OR2L3: variants seen among roughly 807,000 people sequenced by gnomAD.
OR2L3 encodes olfactory receptor 2L3.
For missense variants in OR2L3, 369 were observed against 376.6 expected (o/e 0.98, Z 0.17); for synonymous variants, 131 against 139.1 (o/e 0.94, Z 0.41).
chr1:248,058,627 C>T (rs777811527), intron 1 of OR2L3, among the ~76,000 whole-genome samples: 10 of 151,406 alleles, frequency 6.6e-5, no homozygotes, highest in South Asian at 2.1e-4. Context: ...GAAATTTTTC[C>T]GAGGAAATAG....
At chr1:248,055,946 G>A (rs1342843000) in intron 1 of OR2L3, 1 of 152,120 alleles carries the variant, frequency 6.6e-6, no homozygotes, top group African/African-American at 2.4e-5. Context: ...CTCAATTTCA[G>A]AACTTGTTAT....
rs1229033018 is a variant in OR2L3, at chr1:248,062,534, A to G, written c.*914A>G. ...GAATTTTTAAAAACTGAACTAGTGG[A>G]AATAGAGAAGAGACTGATGGTCACC... On this transcript the variant is annotated 3_prime_UTR_variant, in exon 2 of 2. Coordinates refer to ENST00000359959, the MANE Select transcript of OR2L3 (RefSeq NM_001004687.2). 1 of 152,212 alleles carries G rather than the reference A, an allele frequency of 6.6e-6. No individual in the cohort carries two copies. Among genetic ancestry groups the G allele is most frequent in the East Asian group, 1.9e-4 (1 of 5,194 alleles). The allele number at this position is 152,212 out of a possible 1,614,324, so 9.4% of individuals were successfully genotyped here.
chr1:248,061,351 G>C lies in OR2L3; in HGVS notation c.670G>C (p.Val224Leu), dbSNP rs974420772. The C allele has an allele frequency of 8.1e-6, 13 of 1,613,786 alleles. No homozygotes were observed. The Admixed American group carries it at 1.3e-4, about 17-fold the overall frequency. ...TTCCTATGGCCGGGTTCTCCTTGCT[G>C]TCTACCACATGAAATCTGCAGAAGG... ...SCSYGRVLLA[V>L]YHMKSAEGRK... The change falls in exon 2 of 2, where the codon GTC becomes CTC. Residue 224 changes from valine (V) to leucine (L), a missense_variant. Coordinates refer to ENST00000359959, the MANE Select transcript of OR2L3 (RefSeq NM_001004687.2).
chr1:248,058,387 A>T (rs564417781), intron 1 of OR2L3, among the ~76,000 whole-genome samples: 3 of 152,142 alleles, frequency 2.0e-5, no homozygotes, highest in Admixed American at 1.3e-4. Flanking sequence ...CTCCGTCATC[A>T]CCCCCAGGTT....
At chr1:248,055,711 T>G (rs929961816) in intron 1 of OR2L3, 1 of 152,226 alleles carries the variant, frequency 6.6e-6, no homozygotes, top group African/African-American at 2.4e-5. Context: ...GAGCTGAGAT[T>G]GTGCCACTGT....
chr1:248,063,114 T>A lies in OR2L3; in HGVS notation c.*1494T>A, dbSNP rs942173685. ...GTTCCATACAAATCTTAAATAATGGTTTTTACTATTTATGTGCAGAATGTC... is the reference window on the plus strand; with the variant it reads ...GTTCCATACAAATCTTAAATAATGGATTTTACTATTTATGTGCAGAATGTC... On this transcript the variant is annotated 3_prime_UTR_variant, in exon 2 of 2. Transcript: ENST00000359959. 1.3e-5 allele frequency: 2 copies of A among 152,212 alleles called. No homozygotes were observed. The highest frequency in any genetic ancestry group is 2.9e-5 in the Non-Finnish European group (2 of 68,044). 9.4% of individuals were successfully genotyped at this position (152,212 alleles called of 1,614,324 possible).
At chr1:248,050,069 G>A (rs898941205) in intron 1 of OR2L3, among the ~76,000 whole-genome samples, 1 of 152,100 alleles carries the variant, frequency 6.6e-6, no homozygotes, top group African/African-American at 2.4e-5. Context: ...ATCCTGTGAC[G>A]TTCCAGGTGC....
chr1:248,055,572 T>A (rs1258675864), intron 1 of OR2L3, among the ~76,000 whole-genome samples: 2 of 152,070 alleles, frequency 1.3e-5, no homozygotes, highest in Admixed American at 1.3e-4. Flanking sequence ...CCTGGCCAAC[T>A]TCGTGAAACC....
At chr1:248,047,130 G>A (rs961043681) in intron 1 of OR2L3, among the ~76,000 whole-genome samples, 2 of 152,116 alleles carry the variant, frequency 1.3e-5, no homozygotes, top group African/African-American at 4.8e-5. Flanking sequence ...TGAAGAGACA[G>A]GGATACATTA....
At chr1:248,055,540 G>C (rs1380908636) in intron 1 of OR2L3, among the ~76,000 whole-genome samples, 1 of 152,220 alleles carries the variant, frequency 6.6e-6, no homozygotes, top group Non-Finnish European at 1.5e-5. Context: ...TGGATCAACA[G>C]AAGTCTGGAG....
At chr1:248,050,692 A>G (rs1431395547) in intron 1 of OR2L3, among the ~76,000 whole-genome samples, 1 of 152,192 alleles carries the variant, frequency 6.6e-6, no homozygotes, top group Non-Finnish European at 1.5e-5. Flanking sequence ...AACACAAATG[A>G]TACAAATGTT....
At chr1:248,047,199 G>C (rs7522546) in intron 1 of OR2L3, among the ~76,000 whole-genome samples, 22,507 of 152,054 alleles carry the variant, frequency 0.15, 1,938 homozygotes, top group East Asian at 0.32. Flanking sequence ...TCATAATAAT[G>C]ATTGTAGGGG....
rs113420317 is a variant in OR2L3, at chr1:248,061,437, A to G, written c.756A>G (p.Ala252=). 1.1e-3 allele frequency: 1,729 copies of G among 1,611,676 alleles called. 35 individuals are homozygous for G. In the African/African-American group the frequency reaches 0.021, roughly 20 times the overall value. Residue 252 remains alanine (A), a synonymous_variant, in exon 2 of 2, where the codon GCA becomes GCG. Coordinates refer to ENST00000359959, the MANE Select transcript of OR2L3 (RefSeq NM_001004687.2). ...THLTVVTFYY[A]PFVYTYLRPR... is the part of the protein sequence containing the mutation. ...TCACTGTAGTAACTTTCTACTATGC[A>G]CCTTTTGTCTACACTTATCTACGTC...
rs1663692812 is a variant in OR2L3 at position 248,062,957 on chromosome 1, GTGTC to G, written c.*1341_*1344del. Reference sequence around the variant, plus strand: ...TCTCTGTTCTGTTTCACTGTTCTATGTGTCTGTTTTTATGCCAGTACCATTCTGT... The same window carrying G: ...TCTCTGTTCTGTTTCACTGTTCTATGTGTTTTTATGCCAGTACCATTCTGT... On this transcript the variant is annotated 3_prime_UTR_variant, in exon 2 of 2. Coordinates refer to ENST00000359959, the MANE Select transcript of OR2L3 (RefSeq NM_001004687.2). The G allele has an allele frequency of 6.6e-6, 1 of 152,132 alleles. No homozygotes were observed. The highest frequency in any genetic ancestry group is 1.9e-4 in the East Asian group (1 of 5,206). 9.4% of individuals were successfully genotyped at this position (152,132 alleles called of 1,614,324 possible). A position where few individuals can be genotyped will look rare whatever the true frequency, so the allele number is the denominator to read the frequency against.
chr1:248,050,392 A>G (rs1302508206), intron 1 of OR2L3, among the ~76,000 whole-genome samples: 1 of 152,196 alleles, frequency 6.6e-6, no homozygotes, highest in African/African-American at 2.4e-5. Flanking sequence ...TTACATAAGA[A>G]AAAATATCTT....
At chr1:248,057,952 A>G (rs570876432) in intron 1 of OR2L3, among the ~76,000 whole-genome samples, 1 of 152,252 alleles carries the variant, frequency 6.6e-6, no homozygotes, top group African/African-American at 2.4e-5. Context: ...AAATAAGATA[A>G]TTTTTATTTC....
At position 248,056,796 on chromosome 1, in the gene OR2L3, C is replaced by T. The variant is rs553284677; in HGVS notation, c.-21-3865C>T. On this transcript the variant is annotated intron_variant, in intron 1 of 1. Coordinates refer to ENST00000359959, the MANE Select transcript of OR2L3 (RefSeq NM_001004687.2). ...TTGAGTAGCTGGGACTGCTGGTACACGCCACCATACTCGGCTAAATTTTTT... is the reference window on the plus strand; with the variant it reads ...TTGAGTAGCTGGGACTGCTGGTACATGCCACCATACTCGGCTAAATTTTTT... Among the ~76,000 whole-genome samples the T allele has an allele frequency of 1.7e-4, 26 of 151,078 alleles. No homozygotes were observed. The South Asian group carries it at 3.0e-3, about 17-fold the overall frequency.
intron 1 of OR2L3, among the ~76,000 whole-genome samples, chr1:248,057,670 C>T (rs1005396184): frequency 3.3e-5 from 5 of 152,046 alleles, no homozygotes; most frequent in African/African-American, 1.2e-4. Flanking sequence ...TTTAATAGCT[C>T]TAATCAGCAT....
intron 1 of OR2L3, among the ~76,000 whole-genome samples, chr1:248,052,032 A>G (rs1663279315): frequency 6.6e-6 from 1 of 152,128 alleles, no homozygotes; most frequent in Admixed American, 6.5e-5. Flanking sequence ...ATTTTTACTT[A>G]CAATTTTTTC....
Sources: gnomAD v4.1 joint callset for allele counts (sites outside exome capture counted in the v4.1 genomes callset) on GRCh38, gnomAD v4.1.1 for gene constraint, MANE v1.5 for transcripts, NCBI Gene and HGNC (gene_info 2026-07-23, HGNC 2026-07-21) for gene names.